CHST8: variants seen among roughly 807,000 people sequenced by gnomAD.
The protein encoded by CHST8 is carbohydrate sulfotransferase 8.
In CHST8, 10 loss-of-function variants were observed where a neutral mutation model predicts 15.0. That is an observed-to-expected ratio of 0.67 (90% confidence interval 0.41 to 1.13). The LOEUF is 1.13. Among genes scored for constraint, CHST8 ranks in the 50% most tolerant of loss-of-function variants. The pLI is 0.00. For synonymous variants in CHST8, 259 were observed against 256.6 expected, an observed-to-expected ratio of 1.01 and a Z score of -0.09; for missense variants, 634 against 608.2, an observed-to-expected ratio of 1.04 and a Z score of -0.45.
At chr19:33,699,374 C>T (rs1973288550) in intron 3 of CHST8, among the ~76,000 whole-genome samples, 1 of 152,152 alleles carries the variant, frequency 6.6e-6, no homozygotes, top group Non-Finnish European at 1.5e-5. Context: ...GGAGACCTGG[C>T]CCTGGCTCAG....
chr19:33,647,787 A>C (rs554617057), intron 1 of CHST8, among the ~76,000 whole-genome samples: 4 of 152,134 alleles, frequency 2.6e-5, no homozygotes, highest in Non-Finnish European at 5.9e-5. Flanking sequence ...CGGAGGTTGC[A>C]GTGAGCCGAG....
intron 2 of CHST8, among the ~76,000 whole-genome samples, chr19:33,685,514 CCT>C (rs1491009483): frequency 4.1e-5 from 6 of 146,980 alleles, no homozygotes; most frequent in Non-Finnish European, 9.2e-5. Flanking sequence ...CTTCTCTGCC[CCT>C]GGAAGGCTGG....
At chr19:33,737,677 C>T (rs1974112427) in intron 3 of CHST8, among the ~76,000 whole-genome samples, 1 of 152,152 alleles carries the variant, frequency 6.6e-6, no homozygotes, top group Non-Finnish European at 1.5e-5. Flanking sequence ...GCCAGGCTCT[C>T]CTCTAAAGCA....
intron 3 of CHST8, among the ~76,000 whole-genome samples, chr19:33,738,724 G>A (rs1974129188): frequency 6.6e-6 from 1 of 152,104 alleles, no homozygotes; most frequent in Non-Finnish European, 1.5e-5. Flanking sequence ...TGAGTAGCTG[G>A]GATTACAGGC....
chr19:33,646,652 G>A (rs995464366), intron 1 of CHST8, among the ~76,000 whole-genome samples: 8 of 152,208 alleles, frequency 5.3e-5, no homozygotes, highest in Admixed American at 4.6e-4. Context: ...AGTGGCTCAC[G>A]CCTGTTATCC....
At chr19:33,682,047 G>T (rs2145245776) in intron 2 of CHST8, among the ~76,000 whole-genome samples, 1 of 152,048 alleles carries the variant, frequency 6.6e-6, no homozygotes, top group East Asian at 1.9e-4. Flanking sequence ...GTAGAGACGG[G>T]TTTCACTGTG....
intron 3 of CHST8, among the ~76,000 whole-genome samples, chr19:33,697,608 G>A (rs55994553): frequency 0.34 from 51,188 of 152,074 alleles, 9,087 homozygotes; most frequent in Middle Eastern, 0.44. Flanking sequence ...GGTAAGAGAG[G>A]CTAAGAACCG....
Position 33,772,018 on chromosome 19 carries a change from G to A in CHST8, c.230G>A (p.Arg77Gln). The A allele has an allele frequency of 6.2e-7, 1 of 1,610,252 alleles. No individual in the cohort carries two copies. The highest frequency in any genetic ancestry group is 8.5e-7 in the Non-Finnish European group (1 of 1,178,854). ...DLKEPTERVT[R>Q]DLSSGAPRGR... ...AAGGAACCCACAGAGAGGGTCACTC[G>A]GGACTTATCCAGTGGGGCCCCGAGG... The change falls in exon 5 of 5, where the codon CGG becomes CAG. Residue 77 changes from arginine to glutamine, a missense_variant. Transcript: ENST00000650847.
In CHST8 at chr19:33,624,619, T is replaced by C. The variant is rs547242167; in HGVS notation, c.-164+2323T>C. ...CGTATGGTTGTTGAGAAAGTGTGTC[T>C]GGTGGGCTACTCTCAGAATTTGTCT... is the stretch of plus-strand genomic sequence containing the variant. On this transcript the variant is annotated intron_variant, in intron 1 of 4. Transcript: ENST00000650847. Among the ~76,000 whole-genome samples the C allele has an allele frequency of 2.0e-5, 3 of 152,352 alleles. No homozygotes were observed. In the East Asian group the frequency reaches 5.8e-4, roughly 29 times the overall value.
intron 3 of CHST8, among the ~76,000 whole-genome samples, chr19:33,690,904 C>T (rs762489543): frequency 6.6e-6 from 1 of 152,216 alleles, no homozygotes; most frequent in African/African-American, 2.4e-5. Context: ...CGAGCAAACG[C>T]TGACTGGGTG....
Position 33,765,068 on chromosome 19 carries a change from A to ATG in CHST8, c.131-6344_131-6343insGT, listed in dbSNP as rs1974806757. Among the ~76,000 whole-genome samples, 5 of 144,782 alleles carry ATG rather than the reference A, an allele frequency of 3.5e-5. 1 individual carries two copies. The highest frequency in any genetic ancestry group is 2.1e-4 in the South Asian group (1 of 4,722). 95.0% of individuals were successfully genotyped at this position (144,782 alleles called of 152,430 possible). On this transcript the variant is annotated intron_variant, in intron 3 of 4. Coordinates refer to ENST00000650847, the MANE Select transcript of CHST8 (RefSeq NM_001127895.2). ...ACTATTCCATCATATATATATATAT[A>ATG]TATATCAGAGTTTCTTTATCCACTC...
intron 3 of CHST8, among the ~76,000 whole-genome samples, chr19:33,702,186 C>T (rs1973352021): frequency 6.6e-6 from 1 of 152,164 alleles, no homozygotes; most frequent in Non-Finnish European, 1.5e-5. Flanking sequence ...GTTGGCCAGG[C>T]TGGTCTCAAA....
chr19:33,727,612 G>A (rs1020054528), intron 3 of CHST8, among the ~76,000 whole-genome samples: 15 of 152,182 alleles, frequency 9.9e-5, no homozygotes, highest in African/African-American at 3.6e-4. Flanking sequence ...AATAGACTTG[G>A]GAGTTCATGT....
chr19:33,696,121 C>T lies in CHST8; in HGVS notation c.130+6730C>T, dbSNP rs571024087. Among the ~76,000 whole-genome samples the T allele has an allele frequency of 1.1e-3, 163 of 152,212 alleles. 1 individual carries two copies. Among genetic ancestry groups the T allele is most frequent in the Non-Finnish European group, 1.9e-3 (131 of 67,998 alleles). On this transcript the variant is annotated intron_variant, in intron 3 of 4. Coordinates refer to ENST00000650847, the MANE Select transcript of CHST8 (RefSeq NM_001127895.2). ...GATTGCAGGCGTGAGCCACCGCACC[C>T]GGTCACCACATTTTCTTTATCTGCT...
chr19:33,743,062 G>A (rs992590897), intron 3 of CHST8, among the ~76,000 whole-genome samples: 1 of 151,896 alleles, frequency 6.6e-6, no homozygotes, highest in Non-Finnish European at 1.5e-5. Context: ...CTGCAATATA[G>A]GCTGGTGGCC....
intron 1 of CHST8, among the ~76,000 whole-genome samples, chr19:33,641,360 G>A (rs955851041): frequency 6.6e-6 from 1 of 152,206 alleles, no homozygotes; most frequent in African/African-American, 2.4e-5. Context: ...GGTCAGGACT[G>A]GGGGTGAGGC....
intron 1 of CHST8, among the ~76,000 whole-genome samples, chr19:33,631,417 C>T (rs1972120902): frequency 6.6e-6 from 1 of 152,152 alleles, no homozygotes; most frequent in South Asian, 2.1e-4. Context: ...CTCCCTGTTG[C>T]TGTGCCTGGG....
rs1568358726 is a variant in CHST8, at chr19:33,757,512, A to AAGAAAGAAAG, written c.131-13889_131-13880dup. ...AAAGAAAGAAAGAAAGAAAGAAAGA[A>AAGAAAGAAAG]AGAAAGAAAGAGAAAGAAAGAAAGA... On this transcript the variant is annotated intron_variant, in intron 3 of 4. Transcript: ENST00000650847. Among the ~76,000 whole-genome samples the AAGAAAGAAAG allele has an allele frequency of 2.1e-4, 9 of 43,032 alleles. 2 individuals carry two copies. The highest frequency in any genetic ancestry group is 6.7e-4 in the South Asian group (1 of 1,492). The allele number at this position is 43,032 out of a possible 152,430, so 28.2% of individuals were successfully genotyped here.
intron 3 of CHST8, among the ~76,000 whole-genome samples, chr19:33,763,051 T>A (rs1214734715): frequency 2.0e-5 from 3 of 152,108 alleles, no homozygotes; most frequent in Non-Finnish European, 4.4e-5. Flanking sequence ...GTATTTTTAG[T>A]AGAGACAGGG....
Sources: allele counts gnomAD v4.1 joint callset (sites outside exome capture counted in the v4.1 genomes callset), GRCh38; gene constraint gnomAD v4.1.1; transcripts MANE v1.5; gene names NCBI Gene and HGNC (gene_info 2026-07-23, HGNC 2026-07-21).